The following CATSPERE variants were observed in gnomAD, a reference collection of about 807,000 sequenced individuals.
CATSPERE encodes the protein cation channel sperm-associated auxiliary subunit epsilon.
In CATSPERE, 93 loss-of-function variants were observed where a neutral mutation model predicts 114.1. The observed-to-expected ratio is 0.81, with a 90% CI of 0.69 to 0.97. The LOEUF (loss-of-function observed/expected upper bound fraction) is 0.97. Ranked by LOEUF, CATSPERE falls within the 50% of genes least tolerant of loss-of-function variation. The pLI is 0.00. For synonymous variants in CATSPERE, 341 were observed against 384.1 expected, an observed-to-expected ratio of 0.89 and a Z score of 1.31; for missense variants, 1,058 against 1,131.6, an observed-to-expected ratio of 0.93 and a Z score of 0.93.
intron 17 of CATSPERE, among the ~76,000 whole-genome samples, chr1:244,593,934 A>G (rs1668048432): frequency 6.6e-6 from 1 of 152,228 alleles, no homozygotes; most frequent in African/African-American, 2.4e-5. Flanking sequence ...TCCACAAGCC[A>G]ATAATAAATG....
intron 20 of CATSPERE, among the ~76,000 whole-genome samples, chr1:244,634,086 A>C (rs1057177723): frequency 6.6e-6 from 1 of 151,768 alleles, no homozygotes; most frequent in Non-Finnish European, 1.5e-5. Context: ...CTGGTCTCCA[A>C]CTCCTGAGCT....
chr1:244,609,568 C>G (rs1476641761), intron 18 of CATSPERE, among the ~76,000 whole-genome samples: 1 of 152,080 alleles, frequency 6.6e-6, no homozygotes, highest in Non-Finnish European at 1.5e-5. Flanking sequence ...CCAGGCTGGT[C>G]TCGAACTCCT....
At chr1:244,583,599 T>G (rs1666567385) in intron 12 of CATSPERE, among the ~76,000 whole-genome samples, 1 of 152,182 alleles carries the variant, frequency 6.6e-6, no homozygotes, top group African/African-American at 2.4e-5. Context: ...GATGCTCATT[T>G]CTGCTTCCCA....
rs771129647 is a variant in CATSPERE, at chr1:244,635,495, T to C, written c.2655T>C (p.Cys885=). Residue 885 remains cysteine (C), a synonymous_variant, in exon 21 of 22, where the codon TGT becomes TGC. Transcript: ENST00000366534. The part of the protein sequence containing the change: ...VKILDPNYSF[C]NLTAMFAIET... Reference sequence around the variant, plus strand: ...TTATTTTTCTGCTTTGCAGTTTCTGTAACCTAACAGCTATGTTTGCAATAG... The same window carrying C: ...TTATTTTTCTGCTTTGCAGTTTCTGCAACCTAACAGCTATGTTTGCAATAG... 9.9e-6 allele frequency: 16 copies of C among 1,611,750 alleles called. No homozygotes were observed. In the African/African-American group the frequency reaches 1.9e-4, roughly 19 times the overall value.
Position 244,572,778 on chromosome 1 carries a change from C to A in CATSPERE, c.1950+6C>A. 1 of 1,527,024 alleles carries A rather than the reference C, an allele frequency of 6.5e-7. No homozygotes were observed. Among genetic ancestry groups the A allele is most frequent in the South Asian group, 1.3e-5 (1 of 78,678 alleles). 94.6% of individuals were successfully genotyped at this position (1,527,024 alleles called of 1,614,324 possible). A position where few individuals can be genotyped will look rare whatever the true frequency, so the allele number is the denominator to read the frequency against. The stretch of plus-strand genomic sequence containing the variant: ...GATACTGCACCAAAACTCTGGTAAG[C>A]TAATATTTTAAATTTCTTCATTTGA... On this transcript the variant is annotated splice_donor_region_variant and intron_variant, in intron 11 of 21. Transcript: ENST00000366534.
chr1:244,520,007 C>A (rs2148366747), intron 8 of CATSPERE, among the ~76,000 whole-genome samples: 1 of 148,712 alleles, frequency 6.7e-6, no homozygotes, highest in South Asian at 2.1e-4. Context: ...CCATGACTAG[C>A]CCTAAGAGTT....
At chr1:244,587,267 A>C (rs978506322) in intron 13 of CATSPERE, among the ~76,000 whole-genome samples, 5 of 152,214 alleles carry the variant, frequency 3.3e-5, no homozygotes, top group African/African-American at 9.7e-5. Flanking sequence ...AAAGTATTGA[A>C]TCTGTTAAAA....
intron 5 of CATSPERE, among the ~76,000 whole-genome samples, chr1:244,483,058 ACT>A (rs1670499158): frequency 1.3e-5 from 2 of 152,038 alleles, no homozygotes; most frequent in African/African-American, 4.8e-5. Flanking sequence ...TCATTGTATG[ACT>A]CTGTTCATTC....
chr1:244,508,210 T>C (rs938590528), intron 7 of CATSPERE, among the ~76,000 whole-genome samples: 3 of 151,924 alleles, frequency 2.0e-5, no homozygotes, highest in Admixed American at 1.3e-4. Context: ...CCTAGGTAAT[T>C]TTTTTTGTAA....
chr1:244,502,365 C>G (rs570451786), intron 7 of CATSPERE, among the ~76,000 whole-genome samples: 1 of 152,218 alleles, frequency 6.6e-6, no homozygotes, highest in African/African-American at 2.4e-5. Context: ...GTCTTATAAA[C>G]ACTATAAAGT....
intron 11 of CATSPERE, among the ~76,000 whole-genome samples, chr1:244,581,169 C>A (rs1666119774): frequency 6.6e-6 from 1 of 152,072 alleles, no homozygotes; most frequent in African/African-American, 2.4e-5. Context: ...TAAACATCTA[C>A]ATATATTGTA....
intron 8 of CATSPERE, among the ~76,000 whole-genome samples, chr1:244,537,864 A>G (rs559845085): frequency 6.6e-6 from 1 of 152,330 alleles, no homozygotes; most frequent in South Asian, 2.1e-4. Context: ...TATCCATTAA[A>G]TCTAGTTGAT....
At chr1:244,533,232 C>A (rs3005958) in intron 8 of CATSPERE, among the ~76,000 whole-genome samples, 19,554 of 151,812 alleles carry the variant, frequency 0.13, 2,190 homozygotes, top group African/African-American at 0.3. Context: ...CTTTTATTTT[C>A]AATTTATTCA....
intron 7 of CATSPERE, among the ~76,000 whole-genome samples, chr1:244,500,306 C>A (rs939457842): frequency 6.6e-6 from 1 of 152,136 alleles, no homozygotes; most frequent in African/African-American, 2.4e-5. Context: ...CCTTTTCACT[C>A]TGATGGTAGT....
intron 7 of CATSPERE, among the ~76,000 whole-genome samples, chr1:244,509,814 C>G (rs571123584): frequency 1.3e-5 from 2 of 152,038 alleles, no homozygotes; most frequent in Non-Finnish European, 2.9e-5. Flanking sequence ...GTAGATTTTA[C>G]GTGTCCAGGA....
chr1:244,605,122 T>A (rs1490126198), intron 17 of CATSPERE, among the ~76,000 whole-genome samples: 1 of 152,186 alleles, frequency 6.6e-6, no homozygotes, highest in Non-Finnish European at 1.5e-5. Context: ...TCCAGCTGGT[T>A]CCTCCTAGGG....
At position 244,499,046 on chromosome 1, in the gene CATSPERE, T is replaced by G; in HGVS notation, c.396T>G (p.Asp132Glu). 6.2e-7 allele frequency: 1 copy of G among 1,613,216 alleles called. No individual in the cohort carries two copies. Among genetic ancestry groups the G allele is most frequent in the Non-Finnish European group, 8.5e-7 (1 of 1,179,238 alleles). The change falls in exon 7 of 22, where the codon GAT becomes GAG. Residue 132 changes from aspartate (D) to glutamate (E), a missense_variant. By Grantham distance (45) the Asp-to-Glu change is conservative. Coordinates refer to ENST00000366534, the MANE Select transcript of CATSPERE (RefSeq NM_001130957.2). ...ATGATCCAGAAAGTGCAGATCCTGA[T>G]GAGTTGCTGGGGAATGCAGAAGAAC... Reference protein sequence around the residue: ...WAYDPESADPDELLGNAEEPS... With the variant: ...WAYDPESADPEELLGNAEEPS...
At chr1:244,594,204 C>CA (rs1264100413) in intron 17 of CATSPERE, among the ~76,000 whole-genome samples, 3 of 152,112 alleles carry the variant, frequency 2.0e-5, no homozygotes, top group Non-Finnish European at 4.4e-5. Context: ...CCTGTGGTCC[C>CA]AGCTACTCAG....
chr1:244,463,646 CAAA>C (rs35832545), intron 1 of CATSPERE, among the ~76,000 whole-genome samples: 476 of 116,842 alleles, frequency 4.1e-3, no homozygotes, highest in Non-Finnish European at 7.8e-3. Flanking sequence ...TTTCATCTTA[CAAA>C]AAAAAAAAAA....
Sources: gnomAD v4.1 joint callset for allele counts (sites outside exome capture counted in the v4.1 genomes callset) on GRCh38, gnomAD v4.1.1 for gene constraint, MANE v1.5 for transcripts, NCBI Gene and HGNC (gene_info 2026-07-23, HGNC 2026-07-21) for gene names.